Variants in MRTFA observed in about 807,000 individuals in gnomAD.
MRTFA encodes myocardin related transcription factor A.
A neutral mutation model predicts 83.5 loss-of-function variants in MRTFA; 20 were observed. That is an observed-to-expected ratio of 0.24 (90% CI 0.17 to 0.35). The LOEUF (loss-of-function observed/expected upper bound fraction) is 0.35, where lower values mean the gene tolerates loss of function less well. MRTFA is among the 10% of genes least tolerant of loss of function. The pLI is 1.00. For synonymous variants in MRTFA, 659 were observed against 541.2 expected (o/e 1.22, Z -3.02); for missense variants, 1,200 against 1,224.7 (o/e 0.98, Z 0.30).
At chr22:40,583,975 G>C (rs1208033531) in intron 2 of MRTFA, among the ~76,000 whole-genome samples, 1 of 152,152 alleles carries the variant, frequency 6.6e-6, no homozygotes, top group Non-Finnish European at 1.5e-5. Context: ...TATAGTATTT[G>C]TCATCTGCAT....
chr22:40,584,777 G>A (rs1831084455), intron 2 of MRTFA, among the ~76,000 whole-genome samples: 1 of 149,294 alleles, frequency 6.7e-6, no homozygotes, highest in Non-Finnish European at 1.5e-5. Context: ...GGGCACAGTG[G>A]CTCAAGCCTT....
At chr22:40,506,050 G>A (rs1425614201) in intron 3 of MRTFA, among the ~76,000 whole-genome samples, 4 of 152,214 alleles carry the variant, frequency 2.6e-5, no homozygotes, top group Admixed American at 1.3e-4. Flanking sequence ...TGGCTAACAC[G>A]GTGAAACCCT....
intron 2 of MRTFA, among the ~76,000 whole-genome samples, chr22:40,558,214 T>C (rs2055559249): frequency 6.8e-6 from 1 of 147,248 alleles, no homozygotes; most frequent in Non-Finnish European, 1.5e-5. Flanking sequence ...GTCCCACAAG[T>C]AGCTAGGACT....
In MRTFA at chr22:40,614,241, A is replaced by T. The variant is rs978561193; in HGVS notation, c.-83-19506T>A. ...AATAAATAAATAAATAAAAAATAAA[A>T]AAAAATAAAAAAATTTTATGTTAGC... is the stretch of plus-strand genomic sequence containing the variant. On this transcript the variant is annotated intron_variant, in intron 1 of 14. Transcript: ENST00000355630. Among the ~76,000 whole-genome samples, 57 of 151,066 alleles carry T rather than the reference A, an allele frequency of 3.8e-4. No individual in the cohort carries two copies. The East Asian group carries it at 8.9e-3, about 24-fold the overall frequency.
At chr22:40,586,983 C>A in intron 2 of MRTFA, 2 of 458,888 alleles carry the variant, frequency 4.4e-6, no homozygotes, top group East Asian at 6.7e-5. Context: ...TTTGTGGTTG[C>A]TGGCCTGGCA....
intron 3 of MRTFA, among the ~76,000 whole-genome samples, chr22:40,483,558 G>A (rs978773250): frequency 1.3e-5 from 2 of 151,432 alleles, no homozygotes; most frequent in South Asian, 2.1e-4. Context: ...GGTGGGGGGC[G>A]CCTGTAGTCC....
chr22:40,583,366 G>A (rs1258179149), intron 2 of MRTFA, among the ~76,000 whole-genome samples: 1 of 152,138 alleles, frequency 6.6e-6, no homozygotes, highest in Non-Finnish European at 1.5e-5. Flanking sequence ...AAATTTTCCT[G>A]CAGAAGTGCC....
chr22:40,562,575 G>GGGGAAAGGGAA (rs1398540573), intron 2 of MRTFA, among the ~76,000 whole-genome samples: 4 of 131,240 alleles, frequency 3.0e-5, no homozygotes, highest in African/African-American at 1.2e-4. Flanking sequence ...GGGAAGGGAA[G>GGGGAAAGGGAA]GGGAAAGGGA....
chr22:40,411,120 T>A lies in MRTFA; in HGVS notation c.*270A>T. The A allele has an allele frequency of 2.8e-6, 1 of 351,740 alleles. No homozygotes were observed. Among genetic ancestry groups the A allele is most frequent in the Non-Finnish European group, 5.1e-6 (1 of 196,448 alleles). The allele number at this position is 351,740 out of a possible 1,614,324, so 21.8% of individuals were successfully genotyped here. On this transcript the variant is annotated 3_prime_UTR_variant, in exon 15 of 15. Coordinates refer to ENST00000355630, the MANE Select transcript of MRTFA (RefSeq NM_020831.6). ...TGCCCCCTGACCTCAAAAAAGGAGG[T>A]CAAGCTGAAATGGCCCTGACCCTGA... is the stretch of plus-strand genomic sequence containing the variant.
intron 3 of MRTFA, among the ~76,000 whole-genome samples, chr22:40,506,221 C>T (rs1250424851): frequency 2.0e-5 from 3 of 151,856 alleles, no homozygotes; most frequent in Non-Finnish European, 4.4e-5. Context: ...CCAGCCTGGG[C>T]GACAGAGCGA....
At chr22:40,571,907 G>A (rs909280255) in intron 2 of MRTFA, among the ~76,000 whole-genome samples, 6 of 106,390 alleles carry the variant, frequency 5.6e-5, no homozygotes, top group African/African-American at 1.9e-4. Context: ...CAGGGCGACA[G>A]AGCAAGACTC....
intron 4 of MRTFA, among the ~76,000 whole-genome samples, chr22:40,447,912 T>C (rs1358356511): frequency 6.6e-6 from 1 of 152,072 alleles, no homozygotes; most frequent in Non-Finnish European, 1.5e-5. Flanking sequence ...GAAAACGAAG[T>C]GTGTGATATG....
chr22:40,424,206 C>T lies in MRTFA; in HGVS notation c.777G>A (p.Gln259=). ...GAAGCATCTGGAAGCACACACTCAC[C>T]TGGGTGGGGGATGCAGAGGTGGCAC... is the stretch of plus-strand genomic sequence containing the variant. The change falls in exon 8 of 15, where the codon CAG becomes CAA. Residue 259 remains glutamine (Q), a splice_region_variant and synonymous_variant. Coordinates refer to ENST00000355630, the MANE Select transcript of MRTFA (RefSeq NM_020831.6). The T allele has an allele frequency of 6.3e-7, 1 of 1,593,918 alleles. No individual in the cohort carries two copies. The highest frequency in any genetic ancestry group is 8.5e-7 in the Non-Finnish European group (1 of 1,172,138).
chr22:40,609,087 T>C (rs2056353449), intron 1 of MRTFA, among the ~76,000 whole-genome samples: 1 of 151,922 alleles, frequency 6.6e-6, no homozygotes, highest in African/African-American at 2.4e-5. Flanking sequence ...GGTCAGGAGA[T>C]CGAGACCATC....
At chr22:40,439,465 ATGGCACTCCAACC>A (rs1383873386) in intron 4 of MRTFA, among the ~76,000 whole-genome samples, 1 of 144,336 alleles carries the variant, frequency 6.9e-6, no homozygotes. Flanking sequence ...AAATTGCTCC[ATGGCACTCCAACC>A]TGGGTGACAG....
intron 1 of MRTFA, among the ~76,000 whole-genome samples, chr22:40,614,714 C>T (rs2056429294): frequency 1.3e-5 from 2 of 152,178 alleles, no homozygotes; most frequent in South Asian, 2.1e-4. Context: ...CTCAAACTCT[C>T]GACCTCAGGT....
intron 3 of MRTFA, among the ~76,000 whole-genome samples, chr22:40,520,717 C>A (rs1319069340): frequency 6.6e-6 from 1 of 152,174 alleles, no homozygotes; most frequent in African/African-American, 2.4e-5. Context: ...AAGGTTCATT[C>A]ATTTTATAAC....
chr22:40,456,257 G>T (rs2053585080), intron 4 of MRTFA, among the ~76,000 whole-genome samples: 1 of 151,842 alleles, frequency 6.6e-6, no homozygotes. Context: ...TAGCAGGGGG[G>T]TATATGAAAA....
chr22:40,616,427 A>G (rs1423331142), intron 1 of MRTFA, among the ~76,000 whole-genome samples: 1 of 152,236 alleles, frequency 6.6e-6, no homozygotes, highest in Non-Finnish European at 1.5e-5. Context: ...GGAGTTAGAG[A>G]GAATGACGGA....
Sources: allele counts gnomAD v4.1 joint callset (sites outside exome capture counted in the v4.1 genomes callset), GRCh38; gene constraint gnomAD v4.1.1; transcripts MANE v1.5; gene names NCBI Gene and HGNC (gene_info 2026-07-23, HGNC 2026-07-21).